Variants in SEC31A observed in about 807,000 individuals in gnomAD.
SEC31A encodes the protein SEC31 homolog A, COPII component.
A neutral mutation model predicts 151.0 loss-of-function variants in SEC31A; 70 were observed. The observed-to-expected ratio is 0.46, with a 90% CI of 0.38 to 0.57. The LOEUF is 0.57. Among genes scored for constraint, SEC31A ranks in the 20% least tolerant of loss-of-function variants. The pLI, the probability that SEC31A is intolerant of heterozygous loss-of-function variation, is 0.00. For missense variants in SEC31A, 1,330 were observed against 1,471.2 expected (o/e 0.90, Z 1.57); for synonymous variants, 475 against 505.9 (o/e 0.94, Z 0.82).
intron 22 of SEC31A, chr4:82,830,811 A>G (rs947994090): frequency 8.2e-6 from 2 of 245,048 alleles, no homozygotes; most frequent in Non-Finnish European, 1.4e-5. Context: ...AAATAAAAAA[A>G]ATGATCCTGA....
intron 3 of SEC31A, among the ~76,000 whole-genome samples, chr4:82,880,315 C>T (rs965451741): frequency 3.3e-5 from 5 of 152,148 alleles, no homozygotes; most frequent in Admixed American, 6.5e-5. Flanking sequence ...ACTGGCCAAG[C>T]GTGATTCCTC....
In SEC31A at chr4:82,881,890, G is replaced by A. The variant is rs1264425752; in HGVS notation, c.47C>T (p.Pro16Leu). ...VDRTAMQAWS[P>L]AQNHPIYLAT... ...TAGGTAAATGGGGTGATTCTGGGCA[G>A]GGCTCCATGCCTGCATGGCTGTACG... Residue 16 changes from proline to leucine, a missense_variant, in exon 2 of 27, where the codon CCT becomes CTT. By Grantham distance (98) the Pro-to-Leu change is moderately conservative (BLOSUM62 -3). Coordinates refer to ENST00000395310, the MANE Select transcript of SEC31A (RefSeq NM_001077207.4). The A allele has an allele frequency of 6.2e-7, 1 of 1,614,008 alleles. No individual in the cohort carries two copies. The highest frequency in any genetic ancestry group is 1.3e-5 in the African/African-American group (1 of 74,928).
Position 82,864,625 on chromosome 4 carries a change from A to G in SEC31A, c.1198-27T>C, listed in dbSNP as rs199901532. 4.4e-4 allele frequency: 707 copies of G among 1,599,864 alleles called. 7 individuals are homozygous for G. The Middle Eastern group carries it at 0.011, about 26-fold the overall frequency. On this transcript the variant is annotated intron_variant, in intron 10 of 26. Transcript: ENST00000395310. ...TATAAAAGAGAGAATGAACAAACTCAGTGTTAACCCAAGGATATGGCCAAA... is the reference window on the plus strand; with the variant it reads ...TATAAAAGAGAGAATGAACAAACTCGGTGTTAACCCAAGGATATGGCCAAA...
chr4:82,865,162 C>T (rs938466443), intron 10 of SEC31A, among the ~76,000 whole-genome samples: 1 of 152,010 alleles, frequency 6.6e-6, no homozygotes, highest in African/African-American at 2.4e-5. Flanking sequence ...GGGGAAAAGA[C>T]AAGCAACAAA....
intron 6 of SEC31A, among the ~76,000 whole-genome samples, chr4:82,874,223 A>C (rs530351677): frequency 6.6e-6 from 1 of 151,762 alleles, no homozygotes; most frequent in Non-Finnish European, 1.5e-5. Flanking sequence ...GCTTGAACCC[A>C]GGAGGCAGAG....
rs57974382 is a variant in SEC31A, at chr4:82,882,401, C to CAAAAAAAAAAAAAA, written c.-4-475_-4-462dup. 1.1e-4 allele frequency among the ~76,000 whole-genome samples: 10 copies of CAAAAAAAAAAAAAA among 92,480 alleles called. 1 individual carries two copies. Among genetic ancestry groups the CAAAAAAAAAAAAAA allele is most frequent in the African/African-American group, 4.1e-4 (8 of 19,414 alleles). 60.7% of individuals were successfully genotyped at this position (92,480 alleles called of 152,430 possible). On this transcript the variant is annotated intron_variant, in intron 1 of 26. Transcript: ENST00000395310. ...TGGGCGAGAGAGCAAGACTCTATCT[C>CAAAAAAAAAAAAAA]AAAAAAAAAAAAAAAAAAAAAAAAA...
Position 82,861,648 on chromosome 4 carries a change from C to G in SEC31A, c.1609G>C (p.Glu537Gln), listed in dbSNP as rs199958655. Residue 537 changes from glutamate (E) to glutamine (Q), a missense_variant, in exon 14 of 27, where the codon GAG becomes CAG. Coordinates refer to ENST00000395310, the MANE Select transcript of SEC31A (RefSeq NM_001077207.4). ...ATAAGTACCTCTCCCAAGAGCTGCTCTTCAGCAGCAGGGCTCTCCTCCCCA... is the reference window on the plus strand; with the variant it reads ...ATAAGTACCTCTCCCAAGAGCTGCTGTTCAGCAGCAGGGCTCTCCTCCCCA... ...SDGEESPAAEEQLLGEHIKEE... is the reference protein window; with the variant it reads ...SDGEESPAAEQQLLGEHIKEE... The G allele has an allele frequency of 1.2e-6, 2 of 1,607,398 alleles. No individual in the cohort carries two copies. Among genetic ancestry groups the G allele is most frequent in the Admixed American group, 3.3e-5 (2 of 59,844 alleles).
intron 14 of SEC31A, 21 bp downstream of exon 14, chr4:82,861,606 TATAA>T (rs1360876419): frequency 6.6e-7 from 1 of 1,512,760 alleles, no homozygotes; most frequent in South Asian, 1.2e-5. Flanking sequence ...ATTTGTCCAA[TATAA>T]TATGAAAAAA....
At chr4:82,823,928 C>T (rs1242200667) in intron 25 of SEC31A, among the ~76,000 whole-genome samples, 3 of 152,222 alleles carry the variant, frequency 2.0e-5, no homozygotes, top group African/African-American at 4.8e-5. Flanking sequence ...TGGAGCCAGA[C>T]AGTCTGGGTT....
At chr4:82,875,929 CTATT>C (rs1459190601) in intron 4 of SEC31A, 107 bp from the exon 5 acceptor site, 1 of 511,610 alleles carries the variant, frequency 2.0e-6, no homozygotes, top group African/African-American at 2.0e-5. Context: ...CACAATTTTT[CTATT>C]TAATTTGAAA....
At chr4:82,837,158 CATATATATATATATAT>C (rs138120291) in intron 22 of SEC31A, among the ~76,000 whole-genome samples, 15 of 42,674 alleles carry the variant, frequency 3.5e-4, no homozygotes, top group African/African-American at 9.8e-4. Flanking sequence ...TAAATTTTAT[CATATATATATATATAT>C]ATATATATAT....
intron 22 of SEC31A, among the ~76,000 whole-genome samples, chr4:82,835,473 C>A (rs1022764585): frequency 6.6e-6 from 1 of 152,056 alleles, no homozygotes; most frequent in Non-Finnish European, 1.5e-5. Flanking sequence ...ACTTTAAGGG[C>A]ATGGAAAAAT....
intron 1 of SEC31A, among the ~76,000 whole-genome samples, chr4:82,890,358 T>C (rs1742053368): frequency 1.3e-5 from 2 of 152,282 alleles, no homozygotes; most frequent in African/African-American, 2.4e-5. Context: ...CAGTTTTCTA[T>C]AGTTAGAAAA....
chr4:82,827,638 A>T lies in SEC31A; in HGVS notation c.3028-6T>A. On this transcript the variant is annotated splice_polypyrimidine_tract_variant and splice_region_variant and intron_variant, in intron 23 of 26. Transcript: ENST00000395310. ...GGCATGAAGTTTTCAGGCATCTGTT[A>T]AAAGATGGAAATAAAAGACACCAGG... 1.2e-6 allele frequency: 2 copies of T among 1,611,956 alleles called. No individual in the cohort carries two copies. Among genetic ancestry groups the T allele is most frequent in the Non-Finnish European group, 1.7e-6 (2 of 1,178,334 alleles).
chr4:82,846,149 G>A (rs538466019), intron 20 of SEC31A, among the ~76,000 whole-genome samples: 8 of 151,566 alleles, frequency 5.3e-5, no homozygotes, highest in South Asian at 2.1e-4. Context: ...GACTACAGGC[G>A]CCTGCCACCA....
Position 82,848,845 on chromosome 4 carries a change from G to A in SEC31A, c.2461C>T (p.His821Tyr). Residue 821 changes from histidine (H) to tyrosine (Y), a missense_variant, in exon 20 of 27, where the codon CAC (histidine) becomes TAC (tyrosine). Coordinates refer to ENST00000395310, the MANE Select transcript of SEC31A (RefSeq NM_001077207.4). The stretch of plus-strand genomic sequence containing the variant: ...TGAGTTTGAACTCTTGGCATCTGGT[G>A]GTGGCCAGCAACTGGTCCAGGCCTG... Reference protein sequence around the residue: ...KGRPGPVAGHHQMPRVQTQQY... With the variant: ...KGRPGPVAGHYQMPRVQTQQY... The A allele has an allele frequency of 6.2e-7, 1 of 1,613,958 alleles. No individual in the cohort carries two copies.
intron 19 of SEC31A, among the ~76,000 whole-genome samples, chr4:82,849,823 A>G (rs936264820): frequency 6.6e-6 from 1 of 152,192 alleles, no homozygotes; most frequent in African/African-American, 2.4e-5. Flanking sequence ...GACCCTATAT[A>G]TGCTCTAAGT....
At chr4:82,857,659 A>C in intron 15 of SEC31A, 30 bp downstream of exon 15, 1 of 1,388,826 alleles carries the variant, frequency 7.2e-7, no homozygotes, top group Non-Finnish European at 1.0e-6. Flanking sequence ...GGTTAAAAAA[A>C]ATTAGAAATC....
chr4:82,827,226 G>T, intron 24 of SEC31A, 143 bp downstream of exon 24: 1 of 886,554 alleles, frequency 1.1e-6, no homozygotes, highest in Non-Finnish European at 1.7e-6. Flanking sequence ...ATACATGATC[G>T]ATCTTAAAAA....
Sources: gnomAD v4.1 joint callset for allele counts (sites outside exome capture counted in the v4.1 genomes callset) on GRCh38, gnomAD v4.1.1 for gene constraint, MANE v1.5 for transcripts, NCBI Gene and HGNC (gene_info 2026-07-23, HGNC 2026-07-21) for gene names.